The following PDE1A variants were observed in gnomAD, a reference collection of about 807,000 sequenced individuals.
The protein encoded by PDE1A is phosphodiesterase 1A, also known as dual specificity calcium/calmodulin-dependent 3',5'-cyclic nucleotide phosphodiesterase 1A.
Under a neutral mutation model 61.7 loss-of-function variants are expected in PDE1A, and 35 were observed. The ratio of observed to expected loss-of-function variants is 0.57; its 90% CI spans 0.43 to 0.75. The LOEUF is 0.75. PDE1A is among the 30% of genes least tolerant of loss of function. The probability of loss-of-function intolerance (pLI) is 0.00; values close to 1 mark genes in which losing one functional copy is unlikely to be tolerated. For synonymous variants in PDE1A, 232 were observed against 213.2 expected, an observed-to-expected ratio of 1.09 and a Z score of -0.77; for missense variants, 597 against 630.6, an observed-to-expected ratio of 0.95 and a Z score of 0.57.
chr2:182,376,126 T>A (rs1335993550), intron 1 of PDE1A, among the ~76,000 whole-genome samples: 1 of 152,240 alleles, frequency 6.6e-6, no homozygotes, highest in African/African-American at 2.4e-5. Flanking sequence ...CCCATTGTCT[T>A]GGGGTTTAAC....
chr2:182,400,161 G>A (rs1479634912), intron 1 of PDE1A, among the ~76,000 whole-genome samples: 1 of 151,826 alleles, frequency 6.6e-6, no homozygotes, highest in Non-Finnish European at 1.5e-5. Flanking sequence ...TAAATTCTTT[G>A]CCAATATCAC....
intron 5 of PDE1A, 41 bp from the exon 6 acceptor site, chr2:182,230,187 AGTG>A: frequency 6.5e-7 from 1 of 1,547,998 alleles, no homozygotes. Context: ...TGACCAAAAA[AGTG>A]GTACTAAATC....
intron 2 of PDE1A, among the ~76,000 whole-genome samples, chr2:182,465,580 T>C (rs1282175484): frequency 6.6e-6 from 1 of 152,148 alleles, no homozygotes; most frequent in East Asian, 1.9e-4. Context: ...TTGGCAAGTA[T>C]AATGTTTGAG....
At chr2:182,698,431 T>C in the PDE1A span, among the ~76,000 whole-genome samples, 1 of 152,108 alleles carries the variant, frequency 6.6e-6, no homozygotes, top group Admixed American at 6.6e-5. Flanking sequence ...AAGGAAAACA[T>C]GGAAACAACT....
exon 15 of PDE1A, chr2:182,140,210 A>C (rs1255277996): frequency 6.6e-6 from 1 of 152,224 alleles, no homozygotes; most frequent in African/African-American, 2.4e-5. Flanking sequence ...TATAAATTAC[A>C]GTCTGTGTAG....
At chr2:182,210,284 T>C (rs1279385261) in intron 7 of PDE1A, among the ~76,000 whole-genome samples, 1 of 152,220 alleles carries the variant, frequency 6.6e-6, no homozygotes, top group Non-Finnish European at 1.5e-5. Context: ...TTCCTGCTGC[T>C]CCATTCTCAC....
intron 1 of PDE1A, among the ~76,000 whole-genome samples, chr2:182,328,647 G>A (rs112681905): frequency 0.012 from 1,884 of 152,222 alleles, 28 homozygotes; most frequent in South Asian, 0.069. Context: ...GAAGGGGTAC[G>A]GTTATTAGGT....
the PDE1A span, among the ~76,000 whole-genome samples, chr2:182,547,342 A>C: frequency 2.6e-5 from 4 of 152,286 alleles, no homozygotes; most frequent in Admixed American, 2.6e-4. Context: ...ATCTACCCCC[A>C]CAAAAAAGAG....
chr2:182,686,840 G>A, the PDE1A span, among the ~76,000 whole-genome samples: 2 of 152,196 alleles, frequency 1.3e-5, no homozygotes, highest in Non-Finnish European at 2.9e-5. Flanking sequence ...CTAATACTGC[G>A]CTTTTCCAAT....
At chr2:182,171,336 G>A (rs1692194332) in intron 13 of PDE1A, among the ~76,000 whole-genome samples, 1 of 151,932 alleles carries the variant, frequency 6.6e-6, no homozygotes, top group Non-Finnish European at 1.5e-5. Flanking sequence ...ACAATATGCA[G>A]TATTGCATAT....
the PDE1A span, among the ~76,000 whole-genome samples, chr2:182,664,606 G>GT: frequency 1.3e-5 from 2 of 152,156 alleles, no homozygotes; most frequent in African/African-American, 4.8e-5. Context: ...ACAGAATAGT[G>GT]GTTCCTTTGG....
intron 2 of PDE1A, among the ~76,000 whole-genome samples, chr2:182,497,581 T>C (rs1345017466): frequency 1.3e-5 from 2 of 152,152 alleles, no homozygotes; most frequent in African/African-American, 2.4e-5. Flanking sequence ...AACTACATAA[T>C]GAATGTTATG....
the PDE1A span, among the ~76,000 whole-genome samples, chr2:182,671,037 C>G: frequency 3.3e-5 from 5 of 152,014 alleles, no homozygotes; most frequent in African/African-American, 9.7e-5. Flanking sequence ...AGGTTGGTCT[C>G]AAACTCCTGA....
intron 1 of PDE1A, among the ~76,000 whole-genome samples, chr2:182,371,497 C>A (rs1171043774): frequency 3.3e-5 from 5 of 152,188 alleles, no homozygotes; most frequent in African/African-American, 2.4e-5. Context: ...AATAAAAGTA[C>A]AAGCAGACTG....
the PDE1A span, among the ~76,000 whole-genome samples, chr2:182,704,214 AAAAAAAAAAAAC>A: frequency 2.7e-5 from 4 of 150,276 alleles, no homozygotes; most frequent in Non-Finnish European, 5.9e-5. Context: ...CCGTCTGGAA[AAAAAAAAAAAAC>A]AAAAAAAAAA....
At chr2:182,143,539 C>T (rs1161404035), downstream of PDE1A, among the ~76,000 whole-genome samples, 5 of 151,734 alleles carry the variant, frequency 3.3e-5, no homozygotes, top group East Asian at 5.8e-4. Context: ...TTTGGTGAGA[C>T]GAGTCTCACT....
At chr2:182,426,588 G>C in exon 1 of PDE1A, 6 of 1,609,368 alleles carry the variant, frequency 3.7e-6, no homozygotes, top group Non-Finnish European at 5.1e-6. Context: ...CTAAAGATGG[G>C]TCTTTGGAGA....
chr2:182,177,582 A>G lies in PDE1A; in HGVS notation c.1516+8310T>C, dbSNP rs575869473. Among the ~76,000 whole-genome samples, 61 of 152,012 alleles carry G rather than the reference A, an allele frequency of 4.0e-4. 1 individual carries two copies. The East Asian group carries it at 8.1e-3, about 20-fold the overall frequency. ...GATCAGATGGTTGTAGATGTGTGGC[A>G]TTATTTCTGGGGCCTCTGTTCTGTT... is the stretch of plus-strand genomic sequence containing the variant. On this transcript the variant is annotated intron_variant, in intron 13 of 13. Coordinates refer to ENST00000351439, the Ensembl canonical transcript of PDE1A.
intron 1 of PDE1A, among the ~76,000 whole-genome samples, chr2:182,295,970 A>G (rs1480935625): frequency 6.6e-6 from 1 of 152,184 alleles, no homozygotes; most frequent in Non-Finnish European, 1.5e-5. Context: ...TTTACTCGTT[A>G]ATTAACTTAA....
Sources: allele counts gnomAD v4.1 joint callset (sites outside exome capture counted in the v4.1 genomes callset), GRCh38; gene constraint gnomAD v4.1.1; transcripts MANE v1.5; gene names NCBI Gene and HGNC (gene_info 2026-07-23, HGNC 2026-07-21).